Variants in MAGI1 observed in about 807,000 individuals in gnomAD.
MAGI1 encodes the protein membrane associated guanylate kinase, WW and PDZ domain containing 1.
In MAGI1, 58 loss-of-function variants were observed where a neutral mutation model predicts 139.9. The ratio of observed to expected loss-of-function variants is 0.41; its 90% CI spans 0.34 to 0.52. The LOEUF (loss-of-function observed/expected upper bound fraction) is 0.52, where lower values mean the gene tolerates loss of function less well. Ranked by LOEUF, MAGI1 falls within the 20% of genes least tolerant of loss-of-function variation. The probability of loss-of-function intolerance (pLI) is 0.12; values close to 1 mark genes in which losing one functional copy is unlikely to be tolerated. For missense variants in MAGI1, 1,874 were observed against 1,901.6 expected (o/e 0.99, Z 0.27); for synonymous variants, 812 against 737.9 (o/e 1.10, Z -1.63).
chr3:65,470,506 T>TGA (rs199951277), intron 4 of MAGI1, 22 bp from the exon 5 acceptor site: 161 of 1,351,628 alleles, frequency 1.2e-4, no homozygotes, highest in South Asian at 4.4e-4. Flanking sequence ...TGTGAAGAGG[T>TGA]GAGAGAGAGA....
intron 1 of MAGI1, among the ~76,000 whole-genome samples, chr3:66,029,089 A>C (rs2068459195): frequency 6.6e-6 from 1 of 152,166 alleles, no homozygotes; most frequent in Non-Finnish European, 1.5e-5. Context: ...GAAACCTGGC[A>C]CAAAGAGGTT....
At chr3:65,432,204 C>T (rs949866310) in intron 10 of MAGI1, among the ~76,000 whole-genome samples, 3 of 152,048 alleles carry the variant, frequency 2.0e-5, no homozygotes, top group African/African-American at 7.2e-5. Context: ...AAGTAGTAGA[C>T]CTAATTTCAT....
intron 1 of MAGI1, among the ~76,000 whole-genome samples, chr3:65,820,545 G>C (rs2041892079): frequency 6.6e-6 from 1 of 152,122 alleles, no homozygotes; most frequent in Admixed American, 6.5e-5. Flanking sequence ...TCGGGGTCAT[G>C]AGCCTATGGT....
chr3:65,826,491 A>G (rs1283991458), intron 1 of MAGI1, among the ~76,000 whole-genome samples: 1 of 152,230 alleles, frequency 6.6e-6, no homozygotes, highest in Non-Finnish European at 1.5e-5. Context: ...GGGCTAATTA[A>G]GTATGGCTAC....
chr3:65,410,067 G>A (rs1358944496), intron 12 of MAGI1, among the ~76,000 whole-genome samples: 2 of 152,188 alleles, frequency 1.3e-5, no homozygotes, highest in Non-Finnish European at 2.9e-5. Flanking sequence ...CCTGGCACAG[G>A]TAAGAAAGAC....
At chr3:65,933,038 A>T (rs1354437860) in intron 1 of MAGI1, among the ~76,000 whole-genome samples, 2 of 152,254 alleles carry the variant, frequency 1.3e-5, no homozygotes, top group Non-Finnish European at 2.9e-5. Context: ...ATTGAAAATC[A>T]GGCATTCAGG....
intron 1 of MAGI1, among the ~76,000 whole-genome samples, chr3:65,823,366 G>A (rs1304728410): frequency 3.3e-5 from 5 of 151,164 alleles, no homozygotes; most frequent in Admixed American, 3.3e-4. Flanking sequence ...AAGCAGGGAT[G>A]TTAGCTATCT....
chr3:65,580,331 T>G (rs899588488), intron 2 of MAGI1, among the ~76,000 whole-genome samples: 4 of 152,030 alleles, frequency 2.6e-5, no homozygotes, highest in Non-Finnish European at 4.4e-5. Context: ...TTTTTTTTCT[T>G]GGCCAAGTAA....
chr3:65,577,963 C>T (rs2081247693), intron 2 of MAGI1, among the ~76,000 whole-genome samples: 2 of 152,314 alleles, frequency 1.3e-5, no homozygotes, highest in South Asian at 2.1e-4. Flanking sequence ...CACACTCTCA[C>T]ACACGACTTG....
chr3:65,844,082 A>C, intron 1 of MAGI1: 1 of 487,278 alleles, frequency 2.1e-6, no homozygotes. Flanking sequence ...AAGCTACAAC[A>C]GTGGAGTTGG....
At chr3:65,453,409 G>A (rs1245722301) in intron 5 of MAGI1, 69 bp from the exon 6 acceptor site, 2 of 1,110,322 alleles carry the variant, frequency 1.8e-6, no homozygotes, top group Admixed American at 1.9e-5. Context: ...GCCCAATGAC[G>A]GAATTACACA....
Position 65,530,067 on chromosome 3 carries a change from G to GA in MAGI1, c.431-36437dup, listed in dbSNP as rs959158722. Among the ~76,000 whole-genome samples, 16 of 151,618 alleles carry GA rather than the reference G, an allele frequency of 1.1e-4. 1 individual carries two copies. The highest frequency in any genetic ancestry group is 8.3e-4 in the South Asian group (4 of 4,798). ...CTAGGGATTCAGTAGGTATTTGTTG[G>GA]AAAAAAAATGCATGAATGAATGAAT... On this transcript the variant is annotated intron_variant, in intron 2 of 22. Transcript: ENST00000402939.
At chr3:65,450,827 C>G (rs1575793763) in intron 6 of MAGI1, among the ~76,000 whole-genome samples, 1 of 152,036 alleles carries the variant, frequency 6.6e-6, no homozygotes, top group Non-Finnish European at 1.5e-5. Flanking sequence ...TATGTATGAC[C>G]TACAGAGAAC....
At chr3:65,815,851 ATAAC>A (rs1559909949) in intron 1 of MAGI1, among the ~76,000 whole-genome samples, 1 of 152,156 alleles carries the variant, frequency 6.6e-6, no homozygotes, top group Admixed American at 6.5e-5. Flanking sequence ...GACTGGCTAA[ATAAC>A]TAACCAAAAG....
chr3:65,814,047 T>C (rs1338010336), intron 1 of MAGI1, among the ~76,000 whole-genome samples: 7 of 152,012 alleles, frequency 4.6e-5, no homozygotes, highest in Admixed American at 2.6e-4. Context: ...CTAAGGACTA[T>C]TATGCAGCCA....
intron 1 of MAGI1, among the ~76,000 whole-genome samples, chr3:65,832,140 C>T (rs545833022): frequency 6.6e-6 from 1 of 152,260 alleles, no homozygotes; most frequent in South Asian, 2.1e-4. Context: ...TGTTTAATTG[C>T]AGCTGGAAAG....
At chr3:66,014,431 G>A (rs1159757642) in intron 1 of MAGI1, among the ~76,000 whole-genome samples, 1 of 152,088 alleles carries the variant, frequency 6.6e-6, no homozygotes, top group Non-Finnish European at 1.5e-5. Flanking sequence ...CTGTTTACAT[G>A]TCAGGACAGA....
At chr3:65,453,214 A>G (rs770231695) in intron 6 of MAGI1, 44 bp downstream of exon 6, 2 of 1,547,966 alleles carry the variant, frequency 1.3e-6, no homozygotes, top group Non-Finnish European at 1.8e-6. Context: ...ACATGTGAAC[A>G]GTGCCCCCAA....
chr3:65,766,271 G>C (rs540341414), intron 1 of MAGI1, among the ~76,000 whole-genome samples: 3 of 152,290 alleles, frequency 2.0e-5, no homozygotes, highest in African/African-American at 7.2e-5. Flanking sequence ...ATTCAATGTA[G>C]TATGTTATAT....
Sources: allele counts gnomAD v4.1 joint callset (sites outside exome capture counted in the v4.1 genomes callset), GRCh38; gene constraint gnomAD v4.1.1; transcripts MANE v1.5; gene names NCBI Gene and HGNC (gene_info 2026-07-23, HGNC 2026-07-21).